KCNT2: variants seen among roughly 807,000 people sequenced by gnomAD.
KCNT2 encodes the protein potassium channel subfamily T member 2.
In KCNT2, 67 loss-of-function variants were observed where a neutral mutation model predicts 153.8. The ratio of observed to expected loss-of-function variants is 0.44; its 90% CI spans 0.36 to 0.53. The LOEUF (loss-of-function observed/expected upper bound fraction) is 0.53, where lower values mean the gene tolerates loss of function less well. Ranked by LOEUF, KCNT2 falls within the 20% of genes least tolerant of loss-of-function variation. The pLI is 0.00. For synonymous variants in KCNT2, 500 were observed against 458.8 expected (o/e 1.09, Z -1.15); for missense variants, 975 against 1,354.8 (o/e 0.72, Z 4.40).
chr1:196,414,107 A>T (rs916077148), intron 12 of KCNT2, among the ~76,000 whole-genome samples: 9 of 151,746 alleles, frequency 5.9e-5, no homozygotes, highest in African/African-American at 1.9e-4. Flanking sequence ...TTCATAATGC[A>T]TCAGATTGAT....
chr1:196,412,008 T>C (rs973911984), intron 12 of KCNT2, among the ~76,000 whole-genome samples: 1 of 151,928 alleles, frequency 6.6e-6, no homozygotes, highest in Non-Finnish European at 1.5e-5. Context: ...TTGAACCATT[T>C]TTGCATTCCA....
At chr1:196,454,425 T>A (rs1490846343) in intron 8 of KCNT2, among the ~76,000 whole-genome samples, 1 of 151,956 alleles carries the variant, frequency 6.6e-6, no homozygotes, top group Admixed American at 6.6e-5. Flanking sequence ...CATCTTTATG[T>A]ATCCAGTGTT....
intron 8 of KCNT2, among the ~76,000 whole-genome samples, chr1:196,435,145 A>ATATATATATATATATATG (rs1674527810): frequency 1.0e-5 from 1 of 98,572 alleles, no homozygotes; most frequent in Non-Finnish European, 2.3e-5. Flanking sequence ...GTATGTATAT[A>ATATATATATATATATATG]TATATATATA....
At chr1:196,374,186 T>C (rs781258653) in intron 13 of KCNT2, among the ~76,000 whole-genome samples, 1 of 151,980 alleles carries the variant, frequency 6.6e-6, no homozygotes, top group Non-Finnish European at 1.5e-5. Context: ...AAAATACATA[T>C]TCTTAGGCAG....
intron 26 of KCNT2, among the ~76,000 whole-genome samples, chr1:196,250,660 G>A (rs1421307298): frequency 6.6e-6 from 1 of 151,968 alleles, no homozygotes; most frequent in Non-Finnish European, 1.5e-5. Flanking sequence ...CACAGCAAAG[G>A]AAACAAACAA....
intron 5 of KCNT2, 27 bp downstream of exon 5, chr1:196,479,152 G>A (rs535172549): frequency 6.4e-5 from 87 of 1,354,562 alleles, no homozygotes; most frequent in Middle Eastern, 1.8e-4. Flanking sequence ...TTCTATCAGC[G>A]GGAAACTGCT....
At chr1:196,412,043 T>C (rs1468806740) in intron 12 of KCNT2, among the ~76,000 whole-genome samples, 5 of 151,830 alleles carry the variant, frequency 3.3e-5, no homozygotes, top group Non-Finnish European at 5.9e-5. Flanking sequence ...TTGATAATGA[T>C]GTACGAGCTC....
At chr1:196,288,999 G>T (rs746758096) in intron 22 of KCNT2, among the ~76,000 whole-genome samples, 27 of 152,064 alleles carry the variant, frequency 1.8e-4, no homozygotes, top group Middle Eastern at 6.8e-3. Flanking sequence ...TGTGAATTGG[G>T]ATTCATATTG....
chr1:196,365,330 A>G (rs1667949410), intron 14 of KCNT2, among the ~76,000 whole-genome samples: 1 of 152,086 alleles, frequency 6.6e-6, no homozygotes, highest in South Asian at 2.1e-4. Context: ...TCAAATGGTC[A>G]CTAAAAACAT....
intron 26 of KCNT2, chr1:196,257,359 A>G (rs1571819364): frequency 1.0e-6 from 1 of 979,228 alleles, no homozygotes; most frequent in Non-Finnish European, 1.2e-6. Context: ...TCATGTTGAG[A>G]TTTCAATAAT....
At chr1:196,292,667 C>T (rs565187129) in intron 22 of KCNT2, among the ~76,000 whole-genome samples, 3 of 152,022 alleles carry the variant, frequency 2.0e-5, no homozygotes, top group East Asian at 3.9e-4. Flanking sequence ...ATTAGCCGGG[C>T]GCCTTGGCGG....
At chr1:196,497,630 G>A (rs1680360634) in intron 1 of KCNT2, among the ~76,000 whole-genome samples, 1 of 151,652 alleles carries the variant, frequency 6.6e-6, no homozygotes, top group Admixed American at 6.6e-5. Flanking sequence ...GTTGATATTG[G>A]GATTGCTTAA....
intron 21 of KCNT2, among the ~76,000 whole-genome samples, chr1:196,307,527 C>A (rs1661747650): frequency 6.6e-6 from 1 of 152,050 alleles, no homozygotes; most frequent in Non-Finnish European, 1.5e-5. Context: ...TAAATCATAA[C>A]AACTAGAAAG....
chr1:196,453,213 C>CT (rs2148626395), intron 8 of KCNT2, among the ~76,000 whole-genome samples: 1 of 151,874 alleles, frequency 6.6e-6, no homozygotes, highest in African/African-American at 2.4e-5. Flanking sequence ...ACGCCAGAGA[C>CT]TGCAGTAGAA....
intron 25 of KCNT2, among the ~76,000 whole-genome samples, chr1:196,271,055 C>A (rs1639976793): frequency 6.6e-6 from 1 of 151,944 alleles, no homozygotes; most frequent in Non-Finnish European, 1.5e-5. Flanking sequence ...CACAAACACA[C>A]ACGCACACAC....
At chr1:196,245,657 A>C (rs1655375148) in intron 26 of KCNT2, among the ~76,000 whole-genome samples, 1 of 152,236 alleles carries the variant, frequency 6.6e-6, no homozygotes, top group Non-Finnish European at 1.5e-5. Context: ...CAAAAAAATT[A>C]ACAAAGAGGT....
chr1:196,593,108 A>G (rs1468680618), intron 1 of KCNT2, among the ~76,000 whole-genome samples: 4 of 150,374 alleles, frequency 2.7e-5, no homozygotes, highest in African/African-American at 7.3e-5. Context: ...CCCAAAGTCC[A>G]TCTATCATTC....
At chr1:196,302,371 T>C (rs1274255227) in intron 22 of KCNT2, among the ~76,000 whole-genome samples, 1 of 152,136 alleles carries the variant, frequency 6.6e-6, no homozygotes, top group Non-Finnish European at 1.5e-5. Context: ...TCATGGAACA[T>C]TATTTGATAG....
intron 8 of KCNT2, among the ~76,000 whole-genome samples, chr1:196,446,737 G>A (rs769078077): frequency 6.6e-6 from 1 of 151,440 alleles, no homozygotes; most frequent in Non-Finnish European, 1.5e-5. Flanking sequence ...TTAAAACCTA[G>A]TGAACTAAAC....
Sources: gnomAD v4.1 joint callset for allele counts (sites outside exome capture counted in the v4.1 genomes callset) on GRCh38, gnomAD v4.1.1 for gene constraint, MANE v1.5 for transcripts, NCBI Gene and HGNC (gene_info 2026-07-23, HGNC 2026-07-21) for gene names.